Variants in CTTNBP2 observed in about 807,000 individuals in gnomAD.
CTTNBP2 encodes cortactin-binding protein 2.
CTTNBP2 carries 108 observed loss-of-function variants against 156.9 expected under a neutral mutation model. That is an observed-to-expected ratio of 0.69 (90% CI 0.59 to 0.81). The LOEUF (loss-of-function observed/expected upper bound fraction) is 0.81, where lower values mean the gene tolerates loss of function less well. CTTNBP2 is among the 30% of genes least tolerant of loss of function. The pLI is 0.00. For synonymous variants in CTTNBP2, 767 were observed against 751.8 expected (o/e 1.02, Z -0.33); for missense variants, 1,924 against 2,035.4 (o/e 0.95, Z 1.05).
chr7:117,805,719 T>C (rs1022796595), intron 3 of CTTNBP2, among the ~76,000 whole-genome samples: 3 of 152,108 alleles, frequency 2.0e-5, no homozygotes, highest in Admixed American at 1.3e-4. Flanking sequence ...TAGTTTCCAG[T>C]ACTACTTTTA....
intron 8 of CTTNBP2, 100 bp downstream of exon 8, chr7:117,777,411 T>A: frequency 1.7e-6 from 2 of 1,168,632 alleles, no homozygotes. Context: ...TATCACTCAG[T>A]CTCCAATTAT....
chr7:117,833,402 T>G (rs1366224757), intron 2 of CTTNBP2, among the ~76,000 whole-genome samples: 2 of 152,216 alleles, frequency 1.3e-5, no homozygotes, highest in Non-Finnish European at 2.9e-5. Context: ...ATTTCTGTGT[T>G]TGTGTGTCTT....
chr7:117,835,344 G>T (rs967238909), intron 2 of CTTNBP2, among the ~76,000 whole-genome samples: 18 of 152,216 alleles, frequency 1.2e-4, no homozygotes, highest in Non-Finnish European at 2.4e-4. Context: ...AGGTTTCTCT[G>T]TATGTAGTGA....
At chr7:117,863,617 G>A (rs1803915562) in intron 1 of CTTNBP2, among the ~76,000 whole-genome samples, 1 of 152,200 alleles carries the variant, frequency 6.6e-6, no homozygotes, top group Non-Finnish European at 1.5e-5. Context: ...TACATGGTGA[G>A]GAGCACTTCT....
At chr7:117,718,529 T>C (rs1216794786) in intron 21 of CTTNBP2, among the ~76,000 whole-genome samples, 5 of 152,188 alleles carry the variant, frequency 3.3e-5, no homozygotes, top group Non-Finnish European at 7.3e-5. Context: ...ATTCAAATAA[T>C]ACAGTTGAGT....
At chr7:117,730,332 G>A (rs570892712) in intron 16 of CTTNBP2, among the ~76,000 whole-genome samples, 34 of 152,162 alleles carry the variant, frequency 2.2e-4, no homozygotes, top group African/African-American at 7.0e-4. Flanking sequence ...CCCAACTTCC[G>A]CCCGAGTTTC....
intron 8 of CTTNBP2, 148 bp downstream of exon 8, chr7:117,777,363 T>A (rs1798158455): frequency 1.3e-6 from 1 of 774,950 alleles, no homozygotes; most frequent in Non-Finnish European, 2.1e-6. Context: ...TACATAGGAA[T>A]AATGTCAATT....
At chr7:117,846,878 A>AT (rs1802614124) in intron 2 of CTTNBP2, among the ~76,000 whole-genome samples, 1 of 151,868 alleles carries the variant, frequency 6.6e-6, no homozygotes, top group South Asian at 2.1e-4. Flanking sequence ...TGTAACTAAA[A>AT]AAATATATAT....
At chr7:117,731,069 T>G (rs947780455) in intron 16 of CTTNBP2, among the ~76,000 whole-genome samples, 2 of 152,192 alleles carry the variant, frequency 1.3e-5, no homozygotes, top group Non-Finnish European at 1.5e-5. Context: ...ACAAGGCTAT[T>G]AAGAGATCAT....
intron 2 of CTTNBP2, among the ~76,000 whole-genome samples, chr7:117,833,803 C>A (rs1801765919): frequency 6.6e-6 from 1 of 152,204 alleles, no homozygotes; most frequent in Admixed American, 6.5e-5. Flanking sequence ...TCAATGAATT[C>A]TTCAATTAGT....
intron 4 of CTTNBP2, among the ~76,000 whole-genome samples, chr7:117,789,292 A>C (rs1798865854): frequency 1.3e-5 from 2 of 152,246 alleles, no homozygotes; most frequent in African/African-American, 4.8e-5. Context: ...AACAAGTGGC[A>C]AAGCCTCAAG....
intron 1 of CTTNBP2, among the ~76,000 whole-genome samples, chr7:117,872,489 T>C (rs1804676385): frequency 6.6e-6 from 1 of 151,948 alleles, no homozygotes; most frequent in Admixed American, 6.6e-5. Flanking sequence ...CCAGGAAATG[T>C]GGGTCCAGCC....
intron 6 of CTTNBP2, among the ~76,000 whole-genome samples, chr7:117,781,669 C>A (rs773761781): frequency 8.5e-5 from 13 of 152,112 alleles, no homozygotes; most frequent in African/African-American, 3.1e-4. Flanking sequence ...ACCCAGGAGG[C>A]GGAGGTTGCA....
intron 16 of CTTNBP2, among the ~76,000 whole-genome samples, chr7:117,731,292 T>G (rs2116463825): frequency 6.6e-6 from 1 of 152,336 alleles, no homozygotes; most frequent in Admixed American, 6.5e-5. Flanking sequence ...AAGATAAAGC[T>G]TATACAATTA....
chr7:117,789,406 T>C (rs1798873211), intron 4 of CTTNBP2, among the ~76,000 whole-genome samples: 4 of 152,206 alleles, frequency 2.6e-5, no homozygotes, highest in Admixed American at 2.6e-4. Context: ...GCAATAGCAC[T>C]GCCACTGCTC....
chr7:117,719,448 A>G (rs779821431), intron 21 of CTTNBP2, 56 bp downstream of exon 21: 73 of 1,514,418 alleles, frequency 4.8e-5, no homozygotes, highest in Non-Finnish European at 6.5e-5. Flanking sequence ...TGGTCCCCCA[A>G]AAGTCTCCCA....
At chr7:117,844,157 G>T (rs1010204754) in intron 2 of CTTNBP2, among the ~76,000 whole-genome samples, 16 of 152,184 alleles carry the variant, frequency 1.1e-4, no homozygotes, top group African/African-American at 2.9e-4. Flanking sequence ...GCCAAGGAAT[G>T]CAGACAGGCT....
chr7:117,800,317 T>C (rs1799541075), intron 3 of CTTNBP2, among the ~76,000 whole-genome samples: 1 of 152,018 alleles, frequency 6.6e-6, no homozygotes, highest in African/African-American at 2.4e-5. Flanking sequence ...AAAATCAGAA[T>C]AGTGCTCAGC....
chr7:117,717,821 TC>T (rs946858329), intron 22 of CTTNBP2, among the ~76,000 whole-genome samples, 196 bp downstream of exon 22: 2 of 152,150 alleles, frequency 1.3e-5, no homozygotes, highest in African/African-American at 4.8e-5. Context: ...AGTAATGCTT[TC>T]CTATGTCATT....
Sources: gnomAD v4.1 joint callset for allele counts (sites outside exome capture counted in the v4.1 genomes callset) on GRCh38, gnomAD v4.1.1 for gene constraint, MANE v1.5 for transcripts, NCBI Gene and HGNC (gene_info 2026-07-23, HGNC 2026-07-21) for gene names.